ENPP2: variants seen among roughly 807,000 people sequenced by gnomAD.
ENPP2 encodes the protein autotaxin.
A neutral mutation model predicts 120.2 loss-of-function variants in ENPP2; 51 were observed. The observed-to-expected ratio is 0.42, with a 90% CI of 0.34 to 0.54. The LOEUF (loss-of-function observed/expected upper bound fraction) is 0.54. Among genes scored for constraint, ENPP2 ranks in the 20% least tolerant of loss-of-function variants. ENPP2 has a pLI of 0.04. For synonymous variants in ENPP2, 365 were observed against 366.4 expected, an observed-to-expected ratio of 1.00 and a Z score of 0.04; for missense variants, 920 against 1,066.5, an observed-to-expected ratio of 0.86 and a Z score of 1.91.
intron 20 of ENPP2, among the ~76,000 whole-genome samples, chr8:119,569,742 CTGTGTGTG>C (rs55992622): frequency 2.1e-5 from 3 of 146,310 alleles, no homozygotes; most frequent in Admixed American, 6.9e-5. Context: ...GACTATTTAT[CTGTGTGTG>C]TGTGTGTGTG....
intron 4 of ENPP2, among the ~76,000 whole-genome samples, chr8:119,620,686 C>G (rs1421272906): frequency 2.0e-5 from 3 of 152,170 alleles, no homozygotes; most frequent in African/African-American, 4.8e-5. Flanking sequence ...ATAACTGCAT[C>G]TTTTATATTT....
intron 2 of ENPP2, among the ~76,000 whole-genome samples, chr8:119,629,639 C>T (rs1032575449): frequency 1.3e-5 from 2 of 152,174 alleles, no homozygotes; most frequent in Admixed American, 6.5e-5. Context: ...TTTTGAAAGA[C>T]ATACAAACCG....
chr8:119,664,313 C>T (rs1223940597), intron 1 of ENPP2, among the ~76,000 whole-genome samples: 1 of 152,210 alleles, frequency 6.6e-6, no homozygotes, highest in Admixed American at 6.5e-5. Flanking sequence ...AGTTTCAGCG[C>T]TACCACTTCC....
intron 1 of ENPP2, among the ~76,000 whole-genome samples, chr8:119,657,117 G>T (rs1357416130): frequency 6.6e-6 from 1 of 151,940 alleles, no homozygotes; most frequent in African/African-American, 2.4e-5. Context: ...TAGAGTCAGG[G>T]TTTCACCATG....
At chr8:119,672,072 G>A (rs890709601) in intron 1 of ENPP2, among the ~76,000 whole-genome samples, 1 of 152,152 alleles carries the variant, frequency 6.6e-6, no homozygotes, top group Non-Finnish European at 1.5e-5. Flanking sequence ...CTTGCCAAAG[G>A]TTGGCCCTCA....
chr8:119,672,271 G>T (rs1818273280), intron 1 of ENPP2, among the ~76,000 whole-genome samples: 1 of 152,228 alleles, frequency 6.6e-6, no homozygotes, highest in South Asian at 2.1e-4. Context: ...CTGATGAGCA[G>T]AAGTGCAGAA....
chr8:119,598,379 C>T (rs1814052371), intron 11 of ENPP2, among the ~76,000 whole-genome samples: 1 of 152,034 alleles, frequency 6.6e-6, no homozygotes, highest in Non-Finnish European at 1.5e-5. Context: ...CTGAAAAAAA[C>T]ATAACATGAA....
At chr8:119,595,966 T>G (rs1285236752) in intron 11 of ENPP2, 1 of 1,614,058 alleles carries the variant, frequency 6.2e-7, no homozygotes, top group Admixed American at 1.7e-5. Flanking sequence ...CTCTTAGGTC[T>G]CTTAGCCGGA....
intron 21 of ENPP2, 98 bp from the exon 22 acceptor site, chr8:119,568,350 A>G (rs1814654098): frequency 2.8e-6 from 2 of 714,124 alleles, no homozygotes; most frequent in Non-Finnish European, 5.0e-6. Flanking sequence ...TAAATGGTCC[A>G]AACAACATGA....
chr8:119,666,067 C>T (rs1164461653), intron 1 of ENPP2, among the ~76,000 whole-genome samples: 2 of 152,124 alleles, frequency 1.3e-5, no homozygotes, highest in African/African-American at 2.4e-5. Context: ...TCGTGGTATG[C>T]TGTTAAAGAC....
At chr8:119,602,360 G>A (rs758271462) in intron 9 of ENPP2, among the ~76,000 whole-genome samples, 18 of 151,894 alleles carry the variant, frequency 1.2e-4, no homozygotes, top group Non-Finnish European at 2.1e-4. Context: ...GGGAGGCTGA[G>A]GCAAGAGAAT....
At chr8:119,587,220 G>GTATTTATT in intron 13 of ENPP2, 145 bp from the exon 14 acceptor site, 7 of 702,844 alleles carry the variant, frequency 1.0e-5, no homozygotes, top group Non-Finnish European at 1.7e-5. Flanking sequence ...ATAAATAATT[G>GTATTTATT]TGTAGGGGTA....
chr8:119,593,453 TA>T (rs143329122), intron 12 of ENPP2, among the ~76,000 whole-genome samples: 2,847 of 152,308 alleles, frequency 0.019, 95 homozygotes, highest in African/African-American at 0.065. Flanking sequence ...AAGAAGCTAT[TA>T]ATGTCACAAG....
intron 11 of ENPP2, among the ~76,000 whole-genome samples, chr8:119,595,034 C>G (rs548411470): frequency 6.6e-6 from 1 of 152,168 alleles, no homozygotes; most frequent in Non-Finnish European, 1.5e-5. Flanking sequence ...GCAGAATAAT[C>G]GGAAGGGACT....
intron 9 of ENPP2, among the ~76,000 whole-genome samples, chr8:119,605,307 A>G (rs1002875618): frequency 6.6e-6 from 1 of 151,998 alleles, no homozygotes; most frequent in African/African-American, 2.4e-5. Context: ...CCTGTGCTCA[A>G]GCGATCCACC....
intron 1 of ENPP2, among the ~76,000 whole-genome samples, chr8:119,667,823 G>A (rs962107907): frequency 9.2e-5 from 14 of 152,122 alleles, no homozygotes; most frequent in Non-Finnish European, 1.5e-4. Context: ...CCCCATTTTC[G>A]TAAAGATCAA....
At chr8:119,666,519 A>T (rs904588608) in intron 1 of ENPP2, among the ~76,000 whole-genome samples, 1 of 152,150 alleles carries the variant, frequency 6.6e-6, no homozygotes, top group Non-Finnish European at 1.5e-5. Context: ...GATGGCTCAC[A>T]CCTGTTATCC....
Position 119,557,489 on chromosome 8 carries a change from T to A in ENPP2, c.*32A>T. On this transcript the variant is annotated 3_prime_UTR_variant, in exon 25 of 25. Transcript: ENST00000075322. ...AAACAATATAAAAATATACAACCAG[T>A]TGATAAGACTGTACTGCAGATGCTC... 6.6e-7 allele frequency: 1 copy of A among 1,524,292 alleles called. No individual in the cohort carries two copies. Among genetic ancestry groups the A allele is most frequent in the East Asian group, 2.3e-5 (1 of 43,480 alleles). 94.4% of individuals were successfully genotyped at this position (1,524,292 alleles called of 1,614,324 possible).
At chr8:119,631,383 A>AT (rs537562475) in intron 2 of ENPP2, among the ~76,000 whole-genome samples, 237 of 151,010 alleles carry the variant, frequency 1.6e-3, no homozygotes, top group African/African-American at 5.6e-3. Context: ...TGCCCGGCTA[A>AT]TTTTTTGTAT....
Sources: gnomAD v4.1 joint callset for allele counts (sites outside exome capture counted in the v4.1 genomes callset) on GRCh38, gnomAD v4.1.1 for gene constraint, MANE v1.5 for transcripts, NCBI Gene and HGNC (gene_info 2026-07-23, HGNC 2026-07-21) for gene names.